The following NTF3 variants were observed in gnomAD, a reference collection of about 807,000 sequenced individuals.
NTF3 encodes the protein neurotrophin 3.
Under a neutral mutation model 26.3 loss-of-function variants are expected in NTF3, and 8 were observed. That is an observed-to-expected ratio of 0.30 (90% confidence interval 0.18 to 0.55). The LOEUF is 0.55. Ranked by LOEUF, NTF3 falls within the 20% of genes least tolerant of loss-of-function variation. The probability of loss-of-function intolerance (pLI) is 0.93; values close to 1 mark genes in which losing one functional copy is unlikely to be tolerated. For missense variants in NTF3, 276 were observed against 352.9 expected (o/e 0.78, Z 1.75); for synonymous variants, 154 against 145.5 (o/e 1.06, Z -0.42).
intron 1 of NTF3, among the ~76,000 whole-genome samples, chr12:5,440,266 T>C (rs1940220585): frequency 6.6e-6 from 1 of 152,242 alleles, no homozygotes; most frequent in African/African-American, 2.4e-5. Flanking sequence ...TCAAAAATTA[T>C]GTATTTACTT....
chr12:5,437,431 A>C (rs1940181532), intron 1 of NTF3, among the ~76,000 whole-genome samples: 1 of 151,788 alleles, frequency 6.6e-6, no homozygotes, highest in Admixed American at 6.6e-5. Context: ...CAGATGTATC[A>C]GATGTTCAGG....
intron 1 of NTF3, among the ~76,000 whole-genome samples, chr12:5,477,128 G>C (rs1365128218): frequency 1.3e-5 from 2 of 152,156 alleles, no homozygotes; most frequent in Non-Finnish European, 2.9e-5. Flanking sequence ...ACCATTGTAG[G>C]GAGTTTTTAT....
chr12:5,458,460 A>G (rs1940480939), intron 1 of NTF3, among the ~76,000 whole-genome samples: 1 of 152,236 alleles, frequency 6.6e-6, no homozygotes, highest in African/African-American at 2.4e-5. Flanking sequence ...GGCAGGAACA[A>G]TTCCCACTTG....
chr12:5,431,510 G>A (rs545986550), upstream of NTF3, among the ~76,000 whole-genome samples: 8 of 152,132 alleles, frequency 5.3e-5, no homozygotes, highest in African/African-American at 1.2e-4. Flanking sequence ...GGAGTTCGCC[G>A]GGGAGCGATT....
intron 1 of NTF3, among the ~76,000 whole-genome samples, chr12:5,451,245 G>A (rs760007205): frequency 1.3e-5 from 2 of 152,122 alleles, no homozygotes; most frequent in African/African-American, 2.4e-5. Context: ...TCCTAACCAC[G>A]GCCTTTAAAT....
chr12:5,494,582 A>G lies in NTF3; in HGVS notation c.407A>G (p.Tyr136Cys). Residue 136 changes from tyrosine to cysteine, a missense_variant, in exon 2 of 2, where the codon TAC (tyrosine) becomes TGC (cysteine). Physicochemically the swap from Tyr to Cys is radical, Grantham distance 194. Coordinates refer to ENST00000423158, the MANE Select transcript of NTF3 (RefSeq NM_001102654.2). The surrounding 1 kb of genome is among the most constrained non-coding windows in gnomAD (Gnocchi z 8.3). ...EPPPLYLMED[Y>C]VGSPVVANRT... is the part of the protein sequence containing the mutation. ...CCGCCCTTGTATCTCATGGAGGATT[A>G]CGTGGGCAGCCCCGTGGTGGCGAAC... is the stretch of plus-strand genomic sequence containing the variant. The G allele has an allele frequency of 6.2e-7, 1 of 1,614,136 alleles. No individual in the cohort carries two copies.
chr12:5,457,975 C>T (rs1363614659), intron 1 of NTF3, among the ~76,000 whole-genome samples: 1 of 152,176 alleles, frequency 6.6e-6, no homozygotes, highest in Non-Finnish European at 1.5e-5. Flanking sequence ...ATCAAAACCA[C>T]CATTGTCTCT....
chr12:5,484,737 G>T (rs1210226817), intron 1 of NTF3, among the ~76,000 whole-genome samples: 4 of 152,126 alleles, frequency 2.6e-5, no homozygotes, highest in Non-Finnish European at 5.9e-5. Flanking sequence ...TTTAGTAGGT[G>T]GGGGCCTGCG....
At chr12:5,453,417 G>C (rs1428383926) in intron 1 of NTF3, among the ~76,000 whole-genome samples, 4 of 151,982 alleles carry the variant, frequency 2.6e-5, no homozygotes, top group African/African-American at 9.7e-5. Context: ...CTTTCCTCTG[G>C]CTTCCAGATC....
intron 1 of NTF3, among the ~76,000 whole-genome samples, chr12:5,468,739 A>C (rs1488215578): frequency 6.6e-6 from 1 of 152,152 alleles, no homozygotes; most frequent in East Asian, 1.9e-4. Flanking sequence ...GTGACACAGG[A>C]CACTCTGCTG....
chr12:5,487,196 G>C (rs1318258354), intron 1 of NTF3, among the ~76,000 whole-genome samples: 1 of 152,208 alleles, frequency 6.6e-6, no homozygotes, highest in African/African-American at 2.4e-5. Flanking sequence ...TAAGCCAGAG[G>C]CTTCCTTGGC....
intron 1 of NTF3, among the ~76,000 whole-genome samples, chr12:5,477,075 A>G (rs1322423309): frequency 6.6e-6 from 1 of 152,220 alleles, no homozygotes; most frequent in Admixed American, 6.5e-5. Context: ...TAAACATGAA[A>G]AAGGGTGTCT....
chr12:5,437,909 G>A (rs550737626), intron 1 of NTF3, among the ~76,000 whole-genome samples: 9 of 152,302 alleles, frequency 5.9e-5, no homozygotes, highest in South Asian at 4.1e-4. Flanking sequence ...ACACGTGAGC[G>A]TAGGAGATGC....
chr12:5,455,091 C>T (rs1294724163), intron 1 of NTF3, among the ~76,000 whole-genome samples: 2 of 152,142 alleles, frequency 1.3e-5, no homozygotes, highest in African/African-American at 2.4e-5. Context: ...GCACTGGGCT[C>T]CGGCCTCCTG....
At position 5,456,831 on chromosome 12, in the gene NTF3, A is replaced by AT. The variant is rs952026125; in HGVS notation, c.18+24492dup. On this transcript the variant is annotated intron_variant, in intron 1 of 1. Transcript: ENST00000423158. This position sits in a 1 kb window ranked among gnomAD's most constrained non-coding sequence, Gnocchi z 4.4. ...AGAGCAAGCTCCCGTAGGTCAAGTG[A>AT]TTTGGGCCCGAGTTGACCCAGAGTC... Among the ~76,000 whole-genome samples, 51 of 152,288 alleles carry AT rather than the reference A, an allele frequency of 3.3e-4. No individual in the cohort carries two copies. The highest frequency in any genetic ancestry group is 1.0e-3 in the African/African-American group (42 of 41,566).
chr12:5,457,956 G>A (rs1383938591), intron 1 of NTF3, among the ~76,000 whole-genome samples: 5 of 152,090 alleles, frequency 3.3e-5, no homozygotes, highest in East Asian at 1.9e-4. Context: ...CACCACTGCC[G>A]CTACGCTAAT....
chr12:5,464,739 C>A lies in NTF3; in HGVS notation c.19-29455C>A, dbSNP rs182282861. On this transcript the variant is annotated intron_variant, in intron 1 of 1. Transcript: ENST00000423158. The stretch of plus-strand genomic sequence containing the variant: ...GTGACCATGTTCTCTCTTACTTGCA[C>A]TTACATGAATTCATATGAATTCAGT... 2.7e-3 allele frequency among the ~76,000 whole-genome samples: 409 copies of A among 152,244 alleles called. 3 individuals are homozygous for A. The highest frequency in any genetic ancestry group is 4.5e-3 in the Non-Finnish European group (304 of 68,016).
At chr12:5,440,290 C>T (rs73039984) in intron 1 of NTF3, among the ~76,000 whole-genome samples, 16,009 of 152,152 alleles carry the variant, frequency 0.11, 880 homozygotes, top group African/African-American at 0.13. Context: ...TTAAAATAAC[C>T]TTTCATGTGT....
chr12:5,455,380 G>C (rs1940425551), intron 1 of NTF3, among the ~76,000 whole-genome samples: 1 of 152,168 alleles, frequency 6.6e-6, no homozygotes, highest in African/African-American at 2.4e-5. Flanking sequence ...CCTGGGTTAG[G>C]TGTTGTGAGC....
Sources: allele counts gnomAD v4.1 joint callset (sites outside exome capture counted in the v4.1 genomes callset), GRCh38; gene constraint gnomAD v4.1.1; non-coding constraint Gnocchi (gnomAD v3.1); transcripts MANE v1.5; gene names NCBI Gene and HGNC (gene_info 2026-07-23, HGNC 2026-07-21).